Variants in IMMP2L observed in about 807,000 individuals in gnomAD.
IMMP2L encodes inner mitochondrial membrane peptidase subunit 2, also known as mitochondrial inner membrane protease subunit 2.
Under a neutral mutation model 19.3 loss-of-function variants are expected in IMMP2L, and 18 were observed. The ratio of observed to expected loss-of-function variants is 0.93; its 90% CI spans 0.64 to 1.38. IMMP2L has a LOEUF of 1.38. Ranked by LOEUF, IMMP2L falls within the 40% of genes most tolerant of loss-of-function variation. The pLI is 0.00. For missense variants in IMMP2L, 233 were observed against 218.2 expected, an observed-to-expected ratio of 1.07 and a Z score of -0.43; for synonymous variants, 76 against 73.0, an observed-to-expected ratio of 1.04 and a Z score of -0.21.
intron 5 of IMMP2L, among the ~76,000 whole-genome samples, chr7:110,798,820 T>C (rs923761890): frequency 2.0e-5 from 3 of 151,924 alleles, no homozygotes; most frequent in Admixed American, 2.0e-4. Flanking sequence ...ACGTTTTTTA[T>C]CTGGAAGTAT....
chr7:111,543,210 T>C (rs1848634738), intron 1 of IMMP2L, among the ~76,000 whole-genome samples: 1 of 152,192 alleles, frequency 6.6e-6, no homozygotes. Context: ...GTCAACCACA[T>C]TTTTAAACCA....
intron 3 of IMMP2L, among the ~76,000 whole-genome samples, chr7:111,089,631 T>C (rs1486548562): frequency 1.3e-5 from 2 of 152,086 alleles, no homozygotes; most frequent in African/African-American, 2.4e-5. Flanking sequence ...ATCCCTAACA[T>C]ACAGAACTGA....
intron 3 of IMMP2L, among the ~76,000 whole-genome samples, chr7:111,453,497 TCATTGTAAATTGGAGCATTGTTTCATATC>T (rs1839406476): frequency 6.6e-6 from 1 of 152,222 alleles, no homozygotes; most frequent in Admixed American, 6.5e-5. Context: ...TTTAAAGTAT[TCATTGTAAATTGGAGCATTGTTTCATATC>T]GGTATCATTG....
intron 3 of IMMP2L, among the ~76,000 whole-genome samples, chr7:111,059,306 TA>T (rs1253474531): frequency 6.6e-6 from 1 of 152,294 alleles, no homozygotes; most frequent in Non-Finnish European, 1.5e-5. Flanking sequence ...CAATGGTAGA[TA>T]AGTAGGCAGT....
At chr7:111,089,317 A>G (rs1796614241) in intron 3 of IMMP2L, among the ~76,000 whole-genome samples, 1 of 152,140 alleles carries the variant, frequency 6.6e-6, no homozygotes, top group South Asian at 2.1e-4. Context: ...GGAGTGCATT[A>G]TAATTGGTTT....
At chr7:110,914,315 G>C (rs990876677) in intron 4 of IMMP2L, among the ~76,000 whole-genome samples, 33 of 152,216 alleles carry the variant, frequency 2.2e-4, no homozygotes, top group African/African-American at 7.5e-4. Flanking sequence ...CCATCAAATG[G>C]AAAGTTTGCT....
At chr7:111,347,144 T>C (rs1325317577) in intron 3 of IMMP2L, among the ~76,000 whole-genome samples, 2 of 152,188 alleles carry the variant, frequency 1.3e-5, no homozygotes, top group East Asian at 1.9e-4. Flanking sequence ...GCAGAAAGGC[T>C]GGCTTGAGGA....
Position 110,801,448 on chromosome 7 carries a change from T to A in IMMP2L, c.408+85145A>T, listed in dbSNP as rs149927018. Reference sequence around the variant, plus strand: ...TACTTTCCTTTGGTCATTGTTCTTATGAGAACTAACTCAGTTGACTGAGAC... The same window carrying A: ...TACTTTCCTTTGGTCATTGTTCTTAAGAGAACTAACTCAGTTGACTGAGAC... On this transcript the variant is annotated intron_variant, in intron 5 of 5. Coordinates refer to ENST00000405709, the MANE Select transcript of IMMP2L (RefSeq NM_032549.4). Among the ~76,000 whole-genome samples, 7 of 152,242 alleles carry A rather than the reference T, an allele frequency of 4.6e-5. No homozygotes were observed. The East Asian group carries it at 1.4e-3, about 30-fold the overall frequency.
intron 4 of IMMP2L, among the ~76,000 whole-genome samples, chr7:110,889,846 T>C (rs941951460): frequency 5.9e-5 from 9 of 152,208 alleles, no homozygotes; most frequent in African/African-American, 2.2e-4. Flanking sequence ...TAACAATACC[T>C]AACTCAAAAA....
intron 3 of IMMP2L, among the ~76,000 whole-genome samples, chr7:111,206,743 T>A (rs1810753580): frequency 6.6e-6 from 1 of 152,174 alleles, no homozygotes; most frequent in South Asian, 2.1e-4. Flanking sequence ...TAGATCTTAT[T>A]CATTCTTTCT....
intron 3 of IMMP2L, among the ~76,000 whole-genome samples, chr7:111,443,897 G>A (rs538177597): frequency 6.6e-6 from 1 of 152,002 alleles, no homozygotes; most frequent in Admixed American, 6.6e-5. Context: ...AAAAGTTTAG[G>A]TGGCATTATT....
chr7:111,079,972 AT>A (rs1258366715), intron 3 of IMMP2L, among the ~76,000 whole-genome samples: 2 of 152,038 alleles, frequency 1.3e-5, no homozygotes, highest in African/African-American at 4.8e-5. Context: ...TAAGGTCCTT[AT>A]TAGATGCAGC....
chr7:110,795,460 T>A (rs1387810181), intron 5 of IMMP2L, among the ~76,000 whole-genome samples: 1 of 152,052 alleles, frequency 6.6e-6, no homozygotes, highest in Non-Finnish European at 1.5e-5. Flanking sequence ...ATAATAAACA[T>A]TGTCATAAAA....
chr7:110,909,793 C>T (rs1231675004), intron 4 of IMMP2L, among the ~76,000 whole-genome samples: 3 of 152,050 alleles, frequency 2.0e-5, no homozygotes, highest in Non-Finnish European at 4.4e-5. Flanking sequence ...ACTCTACCTA[C>T]CTTTCCCACC....
chr7:111,099,214 C>T (rs963871616), intron 3 of IMMP2L, among the ~76,000 whole-genome samples: 1 of 151,638 alleles, frequency 6.6e-6, no homozygotes, highest in Non-Finnish European at 1.5e-5. Flanking sequence ...AAACTTAGCT[C>T]ATTGGTCTCA....
At chr7:110,864,770 C>T (rs374196766) in intron 5 of IMMP2L, among the ~76,000 whole-genome samples, 1 of 151,992 alleles carries the variant, frequency 6.6e-6, no homozygotes, top group African/African-American at 2.4e-5. Flanking sequence ...GCCAATGAAC[C>T]AATTAAAATT....
chr7:110,999,883 G>A (rs1474060246), intron 3 of IMMP2L, among the ~76,000 whole-genome samples: 3 of 152,118 alleles, frequency 2.0e-5, no homozygotes, highest in Non-Finnish European at 4.4e-5. Context: ...GAGTACTAAA[G>A]CATGGTGGAG....
intron 3 of IMMP2L, among the ~76,000 whole-genome samples, chr7:111,354,770 C>G (rs1828530267): frequency 6.6e-6 from 1 of 151,228 alleles, no homozygotes; most frequent in African/African-American, 2.4e-5. Context: ...TATTTTTTAA[C>G]AATAACAAAA....
At chr7:110,827,895 T>C (rs984437345) in intron 5 of IMMP2L, among the ~76,000 whole-genome samples, 1 of 152,144 alleles carries the variant, frequency 6.6e-6, no homozygotes, top group Non-Finnish European at 1.5e-5. Context: ...CTGGAAAATA[T>C]GTACTGATCC....
Sources: gnomAD v4.1 joint callset for allele counts (sites outside exome capture counted in the v4.1 genomes callset) on GRCh38, gnomAD v4.1.1 for gene constraint, MANE v1.5 for transcripts, NCBI Gene and HGNC (gene_info 2026-07-23, HGNC 2026-07-21) for gene names.